SORBS2: variants seen among roughly 807,000 people sequenced by gnomAD.
The protein encoded by SORBS2 is sorbin and SH3 domain-containing protein 2.
Under a neutral mutation model 97.7 loss-of-function variants are expected in SORBS2, and 46 were observed. The ratio of observed to expected loss-of-function variants is 0.47; its 90% confidence interval spans 0.37 to 0.60. The LOEUF (loss-of-function observed/expected upper bound fraction) is 0.60. Among genes scored for constraint, SORBS2 ranks in the 20% least tolerant of loss-of-function variants. SORBS2 has a pLI of 0.00. For missense variants in SORBS2, 1,316 were observed against 1,282.3 expected, an observed-to-expected ratio of 1.03 and a Z score of -0.40; for synonymous variants, 476 against 473.4, an observed-to-expected ratio of 1.01 and a Z score of -0.07.
At chr4:185,881,630 C>T (rs528255321) in intron 1 of SORBS2, among the ~76,000 whole-genome samples, 107 of 152,190 alleles carry the variant, frequency 7.0e-4, no homozygotes, top group African/African-American at 2.1e-3. Flanking sequence ...CGATGAAATC[C>T]GGTGAAATAT....
At chr4:185,870,315 A>G (rs898744859) in intron 1 of SORBS2, among the ~76,000 whole-genome samples, 1 of 152,240 alleles carries the variant, frequency 6.6e-6, no homozygotes, top group Non-Finnish European at 1.5e-5. Flanking sequence ...GCAGTCTGAC[A>G]TAACACAGCC....
chr4:185,620,238 T>C (rs2096697294), intron 7 of SORBS2, 87 bp from the exon 20 acceptor site: 1 of 845,558 alleles, frequency 1.2e-6, no homozygotes. Flanking sequence ...TGGCCACTAC[T>C]TTTTTCCCCA....
intron 1 of SORBS2, among the ~76,000 whole-genome samples, chr4:185,791,924 A>G (rs997468970): frequency 6.6e-5 from 10 of 152,196 alleles, no homozygotes; most frequent in Admixed American, 5.2e-4. Flanking sequence ...CACTGCCAGT[A>G]AACAGACAGG....
At chr4:185,656,308 A>G (rs1213263392) in intron 1 of SORBS2, among the ~76,000 whole-genome samples, 1 of 152,204 alleles carries the variant, frequency 6.6e-6, no homozygotes. Context: ...GATGCTGAGA[A>G]TAATCCATTT....
intron 1 of SORBS2, among the ~76,000 whole-genome samples, chr4:185,862,460 G>A (rs1213552436): frequency 6.6e-6 from 1 of 152,332 alleles, no homozygotes; most frequent in African/African-American, 2.4e-5. Context: ...GTCCCAAGAT[G>A]GGAGTCCAGG....
At chr4:185,620,193 A>G in intron 7 of SORBS2, 42 bp from the exon 20 acceptor site, 1 of 1,305,878 alleles carries the variant, frequency 7.7e-7, no homozygotes, top group Non-Finnish European at 1.1e-6. Context: ...GTATCCACTT[A>G]ATTACAAGCC....
Position 185,665,205 on chromosome 4 carries a change from T to C in SORBS2, c.-45-2963A>G, listed in dbSNP as rs111264088. On this transcript the variant is annotated intron_variant, in intron 4 of 20. Transcript: ENST00000284776. ...AAGGTAGATAGGATTATCGACATCA[T>C]TCACTCCTGGACAATAGATGAGTTC... Among the ~76,000 whole-genome samples the C allele has an allele frequency of 5.0e-3, 765 of 152,302 alleles. 6 individuals carry two copies. Among genetic ancestry groups the C allele is most frequent in the Middle Eastern group, 6.8e-3 (2 of 294 alleles).
At chr4:185,638,222 G>T in intron 4 of SORBS2, 60 bp from the exon 15 acceptor site, 3 of 1,025,512 alleles carry the variant, frequency 2.9e-6, no homozygotes, top group Non-Finnish European at 4.6e-6. Flanking sequence ...TGAGGGAAAC[G>T]CTGTGTGGCA....
intron 1 of SORBS2, among the ~76,000 whole-genome samples, chr4:185,776,693 G>A (rs1034654166): frequency 6.6e-6 from 1 of 152,024 alleles, no homozygotes; most frequent in Non-Finnish European, 1.5e-5. Flanking sequence ...GAGGTCAGGA[G>A]ATCTAGACCA....
rs1200473468 is a variant in SORBS2 at position 185,606,219 on chromosome 4, G to C, written c.2796+5561C>G. 2.2e-5 allele frequency: 22 copies of C among 985,188 alleles called. No individual in the cohort carries two copies. The highest frequency in any genetic ancestry group is 2.7e-5 in the Non-Finnish European group (22 of 829,912). The allele number at this position is 985,188 out of a possible 1,614,324, so 61.0% of individuals were successfully genotyped here. A position where few individuals can be genotyped will look rare whatever the true frequency, so the allele number is the denominator to read the frequency against. On this transcript the variant is annotated intron_variant, in intron 12 of 14. Transcript: ENST00000418609. This position sits in a 1 kb window ranked among gnomAD's most constrained non-coding sequence, Gnocchi z 4.3. Reference sequence around the variant, plus strand: ...GATGATAATGTCACACACCTCACTGGGTTTTGACGATTAAAGATGTGGAGT... The same window carrying C: ...GATGATAATGTCACACACCTCACTGCGTTTTGACGATTAAAGATGTGGAGT...
At chr4:185,858,353 T>G (rs2099221854) in intron 1 of SORBS2, among the ~76,000 whole-genome samples, 1 of 152,206 alleles carries the variant, frequency 6.6e-6, no homozygotes, top group Non-Finnish European at 1.5e-5. Context: ...CCCAGAACTG[T>G]GAGCTAAATA....
At chr4:185,806,820 G>T (rs1353708920) in intron 1 of SORBS2, among the ~76,000 whole-genome samples, 1 of 152,134 alleles carries the variant, frequency 6.6e-6, no homozygotes, top group Non-Finnish European at 1.5e-5. Flanking sequence ...AGCTATATTA[G>T]TCTCTGAGGG....
At chr4:185,671,887 C>T (rs2097717664) in intron 4 of SORBS2, among the ~76,000 whole-genome samples, 1 of 152,176 alleles carries the variant, frequency 6.6e-6, no homozygotes, top group Non-Finnish European at 1.5e-5. Flanking sequence ...GCTGGATGCC[C>T]ATCTATTGGG....
exon 15 of SORBS2, chr4:185,586,695 T>G (rs2095804352): frequency 6.6e-6 from 1 of 152,654 alleles, no homozygotes; most frequent in Non-Finnish European, 1.5e-5. Context: ...CCTACTAGTA[T>G]TGCTTACAGA....
chr4:185,945,099 G>C (rs1466610880), intron 1 of SORBS2, among the ~76,000 whole-genome samples: 1 of 152,228 alleles, frequency 6.6e-6, no homozygotes, highest in East Asian at 1.9e-4. Flanking sequence ...ACTCAAGTTG[G>C]TGTTGATTTG....
At chr4:185,692,998 G>A (rs2098122185) in intron 2 of SORBS2, among the ~76,000 whole-genome samples, 1 of 152,094 alleles carries the variant, frequency 6.6e-6, no homozygotes, top group African/African-American at 2.4e-5. Flanking sequence ...ATTTTTGTGT[G>A]GTCTGTGTTC....
At chr4:185,806,586 T>C (rs1585142000) in intron 1 of SORBS2, among the ~76,000 whole-genome samples, 2 of 149,824 alleles carry the variant, frequency 1.3e-5, no homozygotes, top group Non-Finnish European at 3.0e-5. Flanking sequence ...GCCTCCCGAG[T>C]AGCTGGGACT....
intron 11 of SORBS2, among the ~76,000 whole-genome samples, chr4:185,613,446 G>T (rs1468523330): frequency 1.3e-5 from 2 of 152,032 alleles, no homozygotes; most frequent in African/African-American, 2.4e-5. Flanking sequence ...TCAGGAGTTC[G>T]AGACCAGCCT....
chr4:185,867,314 G>A (rs919597987), intron 1 of SORBS2, among the ~76,000 whole-genome samples: 1 of 152,116 alleles, frequency 6.6e-6, no homozygotes, highest in African/African-American at 2.4e-5. Context: ...CTGGCCAGAA[G>A]GTTTATTTTA....
Sources: allele counts gnomAD v4.1 joint callset (sites outside exome capture counted in the v4.1 genomes callset), GRCh38; gene constraint gnomAD v4.1.1; non-coding constraint Gnocchi (gnomAD v3.1); transcripts MANE v1.5; gene names NCBI Gene and HGNC (gene_info 2026-07-23, HGNC 2026-07-21).